Variants in AFAP1L2 observed in about 807,000 individuals in gnomAD.
The protein encoded by AFAP1L2 is actin filament associated protein 1 like 2, also known as actin filament-associated protein 1-like 2.
In AFAP1L2, 46 loss-of-function variants were observed where a neutral mutation model predicts 99.3. The observed-to-expected ratio is 0.46, with a 90% confidence interval of 0.37 to 0.59. The LOEUF is 0.59. Ranked by LOEUF, AFAP1L2 falls within the 20% of genes least tolerant of loss-of-function variation. The probability of loss-of-function intolerance (pLI) is 0.00; values close to 1 mark genes in which losing one functional copy is unlikely to be tolerated. For missense variants in AFAP1L2, 959 were observed against 1,034.9 expected, an observed-to-expected ratio of 0.93 and a Z score of 1.01; for synonymous variants, 397 against 419.1, an observed-to-expected ratio of 0.95 and a Z score of 0.64.
Position 114,387,369 on chromosome 10 carries a change from C to A in AFAP1L2, c.16+17071G>T, listed in dbSNP as rs2056630805. 1.3e-5 allele frequency among the ~76,000 whole-genome samples: 2 copies of A among 152,176 alleles called. 1 individual carries two copies. The highest frequency in any genetic ancestry group is 4.1e-4 in the South Asian group (2 of 4,826). ...AGTACGTTTTCCACACTGATGGGGT[C>A]AGAAAGAGGAAACAGCTCTCCTTCA... On this transcript the variant is annotated intron_variant, in intron 1 of 18. Transcript: ENST00000304129.
At chr10:114,315,305 G>T (rs920275157) in intron 6 of AFAP1L2, among the ~76,000 whole-genome samples, 2 of 152,166 alleles carry the variant, frequency 1.3e-5, no homozygotes, top group African/African-American at 4.8e-5. Context: ...GGATGGGGAT[G>T]GGGGAGGCGG....
chr10:114,367,504 C>T (rs1405142448), intron 1 of AFAP1L2, among the ~76,000 whole-genome samples: 4 of 152,192 alleles, frequency 2.6e-5, no homozygotes, highest in South Asian at 2.1e-4. Flanking sequence ...AGGATGTGGT[C>T]GTGGGCAAGA....
intron 1 of AFAP1L2, among the ~76,000 whole-genome samples, chr10:114,387,607 C>T (rs2056665089): frequency 6.6e-6 from 1 of 152,126 alleles, no homozygotes; most frequent in Non-Finnish European, 1.5e-5. Context: ...CCTACAAATC[C>T]CCAAGGAAAA....
Position 114,312,234 on chromosome 10 carries a change from AGTGTGTGTGTGTGTGTGTGTGTGT to A in AFAP1L2, c.792+1613_792+1636del, listed in dbSNP as rs58275552. On this transcript the variant is annotated intron_variant, in intron 7 of 18. Coordinates refer to ENST00000304129, the MANE Select transcript of AFAP1L2 (RefSeq NM_001001936.3). ...AGCGGGGAACTGGGGGCAAGAGCAG[AGTGTGTGTGTGTGTGTGTGTGTGT>A]GTGTGTGTGTGTGTGTGTGTGTGTA... 6.0e-3 allele frequency among the ~76,000 whole-genome samples: 877 copies of A among 145,608 alleles called. 8 individuals carry two copies. The highest frequency in any genetic ancestry group is 0.021 in the African/African-American group (815 of 38,634).
intron 15 of AFAP1L2, among the ~76,000 whole-genome samples, 195 bp from the exon 16 acceptor site, chr10:114,299,610 A>G (rs1239962527): frequency 1.3e-5 from 2 of 152,204 alleles, no homozygotes; most frequent in Non-Finnish European, 2.9e-5. Flanking sequence ...GATGGTTAAT[A>G]TTGAATGTCA....
At chr10:114,370,714 G>A (rs2053974513) in intron 1 of AFAP1L2, among the ~76,000 whole-genome samples, 1 of 152,190 alleles carries the variant, frequency 6.6e-6, no homozygotes. Context: ...GCTAAATTTG[G>A]TCTGAGACTT....
chr10:114,385,119 C>T (rs548441357), intron 1 of AFAP1L2, among the ~76,000 whole-genome samples: 2 of 151,984 alleles, frequency 1.3e-5, no homozygotes, highest in Non-Finnish European at 2.9e-5. Context: ...TGGGTGTGAT[C>T]GGGAAGGTGA....
At chr10:114,290,441 T>C, downstream of AFAP1L2, 3 of 1,528,152 alleles carry the variant, frequency 2.0e-6, no homozygotes, top group Non-Finnish European at 2.7e-6. Flanking sequence ...CAAACTCAGC[T>C]GAAGGCAGGT....
intron 1 of AFAP1L2, among the ~76,000 whole-genome samples, chr10:114,362,192 A>G (rs921900883): frequency 3.9e-5 from 6 of 152,178 alleles, no homozygotes; most frequent in Non-Finnish European, 8.8e-5. Flanking sequence ...ACACATGAAA[A>G]TTGCCAGACA....
the AFAP1L2 span, chr10:114,286,388 G>A: frequency 4.4e-3 from 7,080 of 1,613,820 alleles, 267 homozygotes; most frequent in African/African-American, 0.082. Flanking sequence ...CAGTGAGGCC[G>A]TGCGGGCAGA....
At chr10:114,344,408 C>T (rs2049212410) in intron 1 of AFAP1L2, among the ~76,000 whole-genome samples, 1 of 152,182 alleles carries the variant, frequency 6.6e-6, no homozygotes, top group South Asian at 2.1e-4. Context: ...GACTTCTGAA[C>T]TTCTCAAGGC....
chr10:114,344,145 A>G (rs892576408), intron 1 of AFAP1L2, among the ~76,000 whole-genome samples: 10 of 152,200 alleles, frequency 6.6e-5, no homozygotes, highest in African/African-American at 2.4e-4. Flanking sequence ...GCTGGCCCAC[A>G]GAAGCATTTA....
chr10:114,366,121 C>T (rs987070445), intron 1 of AFAP1L2, among the ~76,000 whole-genome samples: 3 of 152,138 alleles, frequency 2.0e-5, no homozygotes, highest in Non-Finnish European at 4.4e-5. Flanking sequence ...TAAGTGTGTT[C>T]CTAAGATAAA....
the AFAP1L2 span, among the ~76,000 whole-genome samples, chr10:114,282,136 TG>T: frequency 1.3e-5 from 2 of 152,050 alleles, no homozygotes; most frequent in Non-Finnish European, 2.9e-5. Context: ...CCTGCTAAGC[TG>T]GGATTACAGG....
chr10:114,395,220 A>C (rs1257777041), intron 1 of AFAP1L2, among the ~76,000 whole-genome samples: 1 of 152,190 alleles, frequency 6.6e-6, no homozygotes, highest in East Asian at 1.9e-4. Context: ...CTTTATTCAA[A>C]GAATGTGCTA....
intron 16 of AFAP1L2, 118 bp from the exon 17 acceptor site, chr10:114,297,531 C>T (rs1460263789): frequency 7.1e-6 from 8 of 1,122,104 alleles, no homozygotes; most frequent in African/African-American, 1.6e-5. Flanking sequence ...CAGGTCTGGC[C>T]CCAACACTCA....
chr10:114,337,610 G>T (rs986653292), intron 2 of AFAP1L2, among the ~76,000 whole-genome samples: 2 of 152,132 alleles, frequency 1.3e-5, no homozygotes, highest in Admixed American at 1.3e-4. Context: ...AGAGGGGAAG[G>T]CCTGACTTTA....
At position 114,319,729 on chromosome 10, in the gene AFAP1L2, AAG is replaced by A. The variant is rs1348623143; in HGVS notation, c.406+3440_406+3441del. On this transcript the variant is annotated intron_variant, in intron 5 of 18. Transcript: ENST00000304129. The stretch of plus-strand genomic sequence containing the variant: ...GAGCACGCCCAAGTGCAGAGACACA[AAG>A]AGAGAGACCCAGATGTGGCAACTCG... 3 of 1,045,048 alleles carry A rather than the reference AAG, an allele frequency of 2.9e-6. No homozygotes were observed. The African/African-American group carries it at 4.9e-5, about 17-fold the overall frequency. The allele number at this position is 1,045,048 out of a possible 1,614,324, so 64.7% of individuals were successfully genotyped here.
intron 1 of AFAP1L2, among the ~76,000 whole-genome samples, chr10:114,395,021 T>A (rs1056856249): frequency 2.6e-5 from 4 of 152,004 alleles, no homozygotes; most frequent in African/African-American, 9.7e-5. Flanking sequence ...AGGGACCCCA[T>A]CTCTAAAACA....
Sources: gnomAD v4.1 joint callset for allele counts (sites outside exome capture counted in the v4.1 genomes callset) on GRCh38, gnomAD v4.1.1 for gene constraint, MANE v1.5 for transcripts, NCBI Gene and HGNC (gene_info 2026-07-23, HGNC 2026-07-21) for gene names.